SMYD3: variants seen among roughly 807,000 people sequenced by gnomAD.
SMYD3 encodes histone-lysine N-methyltransferase SMYD3.
A neutral mutation model predicts 57.7 loss-of-function variants in SMYD3; 36 were observed. That is an observed-to-expected ratio of 0.62 (90% CI 0.48 to 0.82). SMYD3 has a LOEUF of 0.82. Ranked by LOEUF, SMYD3 falls within the 40% of genes least tolerant of loss-of-function variation. The pLI is 0.00. For missense variants in SMYD3, 515 were observed against 538.8 expected (o/e 0.96, Z 0.44); for synonymous variants, 211 against 195.0 (o/e 1.08, Z -0.68).
At chr1:245,839,068 G>C (rs140057612) in intron 10 of SMYD3, among the ~76,000 whole-genome samples, 2,417 of 152,316 alleles carry the variant, frequency 0.016, 39 homozygotes, top group Non-Finnish European at 0.023. Flanking sequence ...TGGGCGGTGA[G>C]CTCTGCTTGA....
chr1:246,458,673 A>G (rs2067744903), intron 1 of SMYD3, among the ~76,000 whole-genome samples: 1 of 96,524 alleles, frequency 1.0e-5, no homozygotes, highest in Admixed American at 1.6e-4. Flanking sequence ...TCATTATGTT[A>G]GCCAGGATGG....
intron 1 of SMYD3, among the ~76,000 whole-genome samples, chr1:246,366,946 A>G (rs1382080591): frequency 6.6e-6 from 1 of 151,898 alleles, no homozygotes; most frequent in Non-Finnish European, 1.5e-5. Context: ...AAAAAAAAAA[A>G]AAAAAATCAC....
chr1:246,069,797 C>A (rs1430095255), intron 5 of SMYD3, among the ~76,000 whole-genome samples: 2 of 152,132 alleles, frequency 1.3e-5, no homozygotes, highest in African/African-American at 4.8e-5. Flanking sequence ...TCCATTTATT[C>A]CATTTGGGGT....
intron 8 of SMYD3, among the ~76,000 whole-genome samples, chr1:245,906,822 A>G (rs2054595082): frequency 6.6e-6 from 1 of 152,242 alleles, no homozygotes; most frequent in Non-Finnish European, 1.5e-5. Flanking sequence ...GAAAAAAATG[A>G]GATCCAGTCA....
At chr1:246,285,557 A>G (rs1346065635) in intron 5 of SMYD3, among the ~76,000 whole-genome samples, 2 of 152,192 alleles carry the variant, frequency 1.3e-5, no homozygotes, top group African/African-American at 4.8e-5. Flanking sequence ...AAAAAATTGG[A>G]AAAACCCTTC....
chr1:246,344,053 A>T (rs563817369), intron 2 of SMYD3, among the ~76,000 whole-genome samples: 1 of 152,190 alleles, frequency 6.6e-6, no homozygotes, highest in Admixed American at 6.5e-5. Flanking sequence ...AGTTTGATAA[A>T]TTTTTGTTTT....
intron 1 of SMYD3, 59 bp downstream of exon 1, chr1:246,506,995 C>CCCCCCCCCCCCCCCCCCCCA: frequency 3.6e-6 from 3 of 825,140 alleles, no homozygotes; most frequent in African/African-American, 2.7e-5. Flanking sequence ...CGACGCCCCC[C>CCCCCCCCCCCCCCCCCCCCA]CCTCCCCAGC....
chr1:246,143,511 A>G (rs2061795218), intron 5 of SMYD3, among the ~76,000 whole-genome samples: 1 of 152,130 alleles, frequency 6.6e-6, no homozygotes, highest in South Asian at 2.1e-4. Flanking sequence ...CACTAAAAAT[A>G]CAAAAAATCA....
intron 5 of SMYD3, among the ~76,000 whole-genome samples, chr1:246,170,411 C>CT (rs34758534): frequency 0.45 from 64,155 of 141,130 alleles, 17,228 homozygotes; most frequent in Non-Finnish European, 0.62. Context: ...ACACTCATTA[C>CT]TTTTTTTTTT....
rs114008920 is a variant in SMYD3 at position 246,365,295 on chromosome 1, T to A, written c.165-10201A>T. 6.8e-3 allele frequency among the ~76,000 whole-genome samples: 1,020 copies of A among 150,352 alleles called. 13 individuals carry two copies. The highest frequency in any genetic ancestry group is 0.023 in the African/African-American group (958 of 40,940). Reference sequence around the variant, plus strand: ...AAAGAAGATAAGAATAAGACCAGTCTGGGCAACATAGTGAGCCCTCATTTC... The same window carrying A: ...AAAGAAGATAAGAATAAGACCAGTCAGGGCAACATAGTGAGCCCTCATTTC... On this transcript the variant is annotated intron_variant, in intron 1 of 11. Coordinates refer to ENST00000490107, the MANE Select transcript of SMYD3 (RefSeq NM_001167740.2).
At chr1:245,779,984 C>A (rs182286711) in intron 10 of SMYD3, among the ~76,000 whole-genome samples, 2 of 152,334 alleles carry the variant, frequency 1.3e-5, no homozygotes, top group East Asian at 3.9e-4. Flanking sequence ...TACCACCTCA[C>A]ACCCACTAGG....
chr1:246,382,648 C>T (rs1385523464), intron 1 of SMYD3, among the ~76,000 whole-genome samples: 2 of 152,082 alleles, frequency 1.3e-5, no homozygotes, highest in African/African-American at 2.4e-5. Flanking sequence ...CCTGGTCAAC[C>T]CTAGTGCCAG....
intron 1 of SMYD3, among the ~76,000 whole-genome samples, chr1:246,422,426 T>C (rs1423620410): frequency 6.6e-6 from 1 of 152,032 alleles, no homozygotes; most frequent in African/African-American, 2.4e-5. Context: ...TTGCCTTTTT[T>C]TTTAATTTAT....
chr1:246,015,135 TAAG>T (rs1220287908), intron 5 of SMYD3, among the ~76,000 whole-genome samples: 1 of 152,112 alleles, frequency 6.6e-6, no homozygotes, highest in Non-Finnish European at 1.5e-5. Flanking sequence ...CCCTTTCCCC[TAAG>T]AAGAAGGGTG....
At chr1:246,260,782 T>C (rs1334539123) in intron 5 of SMYD3, among the ~76,000 whole-genome samples, 1 of 145,152 alleles carries the variant, frequency 6.9e-6, no homozygotes, top group Non-Finnish European at 1.5e-5. Context: ...ATGCACTATC[T>C]AGCCATTTCC....
intron 3 of SMYD3, among the ~76,000 whole-genome samples, chr1:246,335,118 AT>A (rs1328507402): frequency 1.3e-5 from 2 of 152,204 alleles, no homozygotes; most frequent in African/African-American, 4.8e-5. Flanking sequence ...ATATTTTTTA[AT>A]TAAAGTATGT....
intron 5 of SMYD3, among the ~76,000 whole-genome samples, chr1:246,226,479 ATTCAGTTAGTGG>A (rs1342849792): frequency 6.6e-6 from 1 of 152,254 alleles, no homozygotes; most frequent in Admixed American, 6.5e-5. Flanking sequence ...AAAATAAAAC[ATTCAGTTAGTGG>A]TATAGTTTGC....
intron 10 of SMYD3, among the ~76,000 whole-genome samples, chr1:245,823,857 G>A (rs2049315967): frequency 6.6e-6 from 1 of 152,180 alleles, no homozygotes; most frequent in African/African-American, 2.4e-5. Flanking sequence ...CTCTGGCAGG[G>A]TATCAGGTAC....
chr1:245,915,057 T>G (rs2055304140), intron 8 of SMYD3, among the ~76,000 whole-genome samples: 1 of 152,186 alleles, frequency 6.6e-6, no homozygotes, highest in Admixed American at 6.5e-5. Context: ...GTTGAAATCA[T>G]AGAACTGTCT....
Sources: gnomAD v4.1 joint callset for allele counts (sites outside exome capture counted in the v4.1 genomes callset) on GRCh38, gnomAD v4.1.1 for gene constraint, MANE v1.5 for transcripts, NCBI Gene and HGNC (gene_info 2026-07-23, HGNC 2026-07-21) for gene names.